The following ACACB variants were observed in gnomAD, a reference collection of about 807,000 sequenced individuals.
ACACB encodes the protein acetyl-CoA carboxylase beta.
Under a neutral mutation model 278.8 loss-of-function variants are expected in ACACB, and 209 were observed. That is an observed-to-expected ratio of 0.75 (90% confidence interval 0.67 to 0.84). ACACB has a LOEUF of 0.84. Among genes scored for constraint, ACACB ranks in the 40% least tolerant of loss-of-function variants. ACACB has a pLI of 0.00. For synonymous variants in ACACB, 1,174 were observed against 1,285.6 expected (o/e 0.91, Z 1.86); for missense variants, 2,850 against 3,269.0 (o/e 0.87, Z 3.13).
chr12:109,169,918 CAG>C (rs1388538993), intron 4 of ACACB, among the ~76,000 whole-genome samples: 1 of 152,208 alleles, frequency 6.6e-6, no homozygotes, highest in Non-Finnish European at 1.5e-5. Context: ...CCGGAAGGAG[CAG>C]CTGCTCTGGG....
At chr12:109,266,147 G>A in intron 52 of ACACB, 89 bp from the exon 53 acceptor site, 1 of 1,499,906 alleles carries the variant, frequency 6.7e-7, no homozygotes, top group Non-Finnish European at 9.0e-7. Flanking sequence ...GGGTTCTGGG[G>A]TGTGGCCCCA....
chr12:109,113,523 G>C (rs928585618), upstream of ACACB: 2 of 152,246 alleles, frequency 1.3e-5, no homozygotes, highest in African/African-American at 4.8e-5. Flanking sequence ...TTAATTGTGT[G>C]AAAGTCACTG....
intron 20 of ACACB, among the ~76,000 whole-genome samples, chr12:109,207,260 G>A (rs1483249097): frequency 2.6e-5 from 4 of 152,010 alleles, no homozygotes; most frequent in South Asian, 2.1e-4. Flanking sequence ...CCAGCCCCTC[G>A]GTTGTGTTTA....
In ACACB at chr12:109,122,872, C is replaced by T. The variant is rs183143580; in HGVS notation, c.-10+6168C>T. ...CTATACCCATTTTCCCTATATTATTCCCCCAACATTTTATTATAAAAAAAT... is the reference window on the plus strand; with the variant it reads ...CTATACCCATTTTCCCTATATTATTTCCCCAACATTTTATTATAAAAAAAT... On this transcript the variant is annotated intron_variant, in intron 1 of 52. Coordinates refer to ENST00000338432, the MANE Select transcript of ACACB (RefSeq NM_001093.4). 3.9e-3 allele frequency among the ~76,000 whole-genome samples: 597 copies of T among 151,940 alleles called. 1 individual carries two copies. The highest frequency in any genetic ancestry group is 0.017 in the Middle Eastern group (5 of 294).
chr12:109,205,198 G>C (rs1287118698), intron 19 of ACACB, among the ~76,000 whole-genome samples: 1 of 152,166 alleles, frequency 6.6e-6, no homozygotes, highest in Admixed American at 6.5e-5. Context: ...AATAGACTGG[G>C]CCTTTTTGGA....
At chr12:109,137,617 G>A (rs190151644) in intron 1 of ACACB, among the ~76,000 whole-genome samples, 17 of 151,384 alleles carry the variant, frequency 1.1e-4, no homozygotes, top group South Asian at 6.2e-4. Flanking sequence ...CTGAGATTAC[G>A]CCACTATGCT....
chr12:109,227,993 C>T lies in ACACB; in HGVS notation c.4001+504C>T, dbSNP rs2046361255. Among the ~76,000 whole-genome samples, 8 of 148,954 alleles carry T rather than the reference C, an allele frequency of 5.4e-5. No individual in the cohort carries two copies. In the South Asian group the frequency reaches 1.7e-3, roughly 32 times the overall value. On this transcript the variant is annotated intron_variant, in intron 28 of 52. Transcript: ENST00000338432. ...GTGAGTCAGTGAGCTGAGATTGCCC[C>T]ACTGCACTCCAGCCTGGGCGAAGAA... is the stretch of plus-strand genomic sequence containing the variant.
chr12:109,130,123 C>T (rs1050028223), intron 1 of ACACB, among the ~76,000 whole-genome samples: 11 of 152,134 alleles, frequency 7.2e-5, no homozygotes, highest in East Asian at 1.9e-4. Flanking sequence ...AGTCCTGGAG[C>T]GGTGGCTCAC....
In ACACB at chr12:109,209,495, C is replaced by T. The variant is rs1256852290; in HGVS notation, c.3249+142C>T. The T allele has an allele frequency of 2.8e-5, 22 of 798,808 alleles. No individual in the cohort carries two copies. In the South Asian group the frequency reaches 3.6e-4, roughly 13 times the overall value. The allele number at this position is 798,808 out of a possible 1,614,324, so 49.5% of individuals were successfully genotyped here. A position where few individuals can be genotyped will look rare whatever the true frequency, so the allele number is the denominator to read the frequency against. ...CTAACATATCAGGGGCCGAGGGTTT[C>T]CTTTTGAGCCTTGTCTGCAGAATCC... On this transcript the variant is annotated intron_variant, in intron 21 of 52. Coordinates refer to ENST00000338432, the MANE Select transcript of ACACB (RefSeq NM_001093.4).
intron 9 of ACACB, among the ~76,000 whole-genome samples, chr12:109,177,523 G>A (rs957194693): frequency 6.6e-5 from 10 of 152,174 alleles, no homozygotes; most frequent in African/African-American, 2.4e-4. Context: ...TAAAGCAGCA[G>A]TTTCACTACC....
At chr12:109,129,325 G>A (rs2042762656) in intron 1 of ACACB, among the ~76,000 whole-genome samples, 2 of 152,046 alleles carry the variant, frequency 1.3e-5, no homozygotes, top group Admixed American at 6.6e-5. Context: ...ACTGAGCCTC[G>A]GTTTTCTCGC....
chr12:109,222,467 C>A, intron 24 of ACACB, 40 bp from the exon 25 acceptor site: 1 of 1,583,642 alleles, frequency 6.3e-7, no homozygotes, highest in Middle Eastern at 1.7e-4. Flanking sequence ...TTTCCCTGGG[C>A]TGGAGAAAAG....
upstream of ACACB, among the ~76,000 whole-genome samples, chr12:109,112,722 C>T (rs1370395940): frequency 6.7e-6 from 1 of 148,624 alleles, no homozygotes; most frequent in African/African-American, 2.5e-5. Context: ...AACCAGGCAA[C>T]TCATTTTGAT....
At chr12:109,258,421 G>A in intron 46 of ACACB, 57 bp downstream of exon 46, 3 of 1,450,718 alleles carry the variant, frequency 2.1e-6, no homozygotes, top group South Asian at 2.4e-5. Flanking sequence ...TCGAGAGTGG[G>A]TCCTGGGCGT....
rs531103865 is a variant in ACACB at position 109,223,743 on chromosome 12, A to G, written c.3793-72A>G. ...CACCACTGCACTCCAGTTTATCTCA[A>G]ATAAAAACAAAGAAAAACCTGAAAC... On this transcript the variant is annotated intron_variant, in intron 26 of 52. Transcript: ENST00000338432. 546 of 1,448,482 alleles carry G rather than the reference A, an allele frequency of 3.8e-4. 2 individuals are homozygous for G. Among genetic ancestry groups the G allele is most frequent in the Non-Finnish European group, 5.0e-4 (512 of 1,031,822 alleles). 89.7% of individuals were successfully genotyped at this position (1,448,482 alleles called of 1,614,324 possible).
chr12:109,258,198 C>T, intron 45 of ACACB, 70 bp from the exon 46 acceptor site: 1 of 1,194,858 alleles, frequency 8.4e-7, no homozygotes, highest in Non-Finnish European at 1.2e-6. Flanking sequence ...CCCTCACCCC[C>T]ACACCCAGAG....
chr12:109,258,213 C>T (rs947863816), intron 45 of ACACB, 55 bp from the exon 46 acceptor site: 12 of 1,431,588 alleles, frequency 8.4e-6, no homozygotes, highest in Admixed American at 2.0e-5. Flanking sequence ...CCAGAGGTCC[C>T]CAAATGCACC....
At chr12:109,210,157 G>GTA (rs1491460498) in intron 21 of ACACB, among the ~76,000 whole-genome samples, 1 of 44,028 alleles carries the variant, frequency 2.3e-5, no homozygotes, top group African/African-American at 8.5e-5. Flanking sequence ...ATATACACAC[G>GTA]TGTGTATATG....
intron 17 of ACACB, 46 bp downstream of exon 17, chr12:109,197,199 C>T (rs375990676): frequency 6.4e-7 from 1 of 1,573,586 alleles, no homozygotes; most frequent in African/African-American, 1.4e-5. Context: ...ATGCACAGCT[C>T]TCTGTCCTAG....
Sources: gnomAD v4.1 joint callset for allele counts (sites outside exome capture counted in the v4.1 genomes callset) on GRCh38, gnomAD v4.1.1 for gene constraint, MANE v1.5 for transcripts, NCBI Gene and HGNC (gene_info 2026-07-23, HGNC 2026-07-21) for gene names.